The following OCM2 variants were observed in gnomAD, a reference collection of about 807,000 sequenced individuals.
The protein encoded by OCM2 is oncomodulin 2.
A neutral mutation model predicts 13.6 loss-of-function variants in OCM2; 6 were observed. That is an observed-to-expected ratio of 0.44 (90% CI 0.24 to 0.87). The LOEUF is 0.87. Among genes scored for constraint, OCM2 ranks in the 40% least tolerant of loss-of-function variants. OCM2 has a pLI of 0.22. For synonymous variants in OCM2, 40 were observed against 50.7 expected (o/e 0.79, Z 0.90); for missense variants, 118 against 136.8 (o/e 0.86, Z 0.68).
chr7:97,987,221 T>C, intron 2 of OCM2, 65 bp from the exon 3 acceptor site: 5 of 1,591,806 alleles, frequency 3.1e-6, no homozygotes, highest in Non-Finnish European at 3.4e-6. Context: ...TTTAGACTTT[T>C]GTTTTTCCTT....
intron 3 of OCM2, among the ~76,000 whole-genome samples, chr7:97,986,706 G>A (rs1562865432): frequency 1.3e-5 from 2 of 152,136 alleles, no homozygotes; most frequent in Admixed American, 1.3e-4. Context: ...AACCCCACTG[G>A]TAGAAATACC....
chr7:97,989,468 T>C (rs1449929502), intron 1 of OCM2, among the ~76,000 whole-genome samples: 1 of 151,830 alleles, frequency 6.6e-6, no homozygotes, highest in Non-Finnish European at 1.5e-5. Flanking sequence ...GTAGCGATCA[T>C]AGCTCACCAC....
chr7:97,988,503 A>T lies in OCM2; in HGVS notation c.107T>A (p.Leu36His), dbSNP rs199803300. 157 of 1,614,158 alleles carry T rather than the reference A, an allele frequency of 9.7e-5. No individual in the cohort carries two copies. The East Asian group carries it at 3.5e-3, about 36-fold the overall frequency. ...CACCTGACTGGCTGACATCTTGGAG[A>T]GGCCTGACGTCTGGAAGAATTTTTG... The change falls in exon 2 of 4, where the codon CTC (leucine) becomes CAC (histidine). Residue 36 changes from leucine to histidine, a missense_variant. Transcript: ENST00000257627.
intron 3 of OCM2, 152 bp downstream of exon 3, chr7:97,986,895 A>G: frequency 1.6e-6 from 2 of 1,279,184 alleles, no homozygotes; most frequent in Non-Finnish European, 2.1e-6. Flanking sequence ...TTGCATCCTT[A>G]CTTTAGTCTC....
At chr7:97,986,064 C>G (rs1794668490) in intron 3 of OCM2, among the ~76,000 whole-genome samples, 1 of 152,264 alleles carries the variant, frequency 6.6e-6, no homozygotes, top group African/African-American at 2.4e-5. Flanking sequence ...AGGTGCCCAC[C>G]ACCATGCCCG....
chr7:97,989,386 C>CTTT (rs1554366991), intron 1 of OCM2, among the ~76,000 whole-genome samples: 25 of 145,182 alleles, frequency 1.7e-4, no homozygotes, highest in Non-Finnish European at 3.3e-4. Context: ...CTCTTATTTA[C>CTTT]TTATTTATTT....
exon 4 of OCM2, chr7:97,984,965 T>G: frequency 6.2e-7 from 1 of 1,614,094 alleles, no homozygotes; most frequent in Non-Finnish European, 8.5e-7. Flanking sequence ...CTTTTAAGAA[T>G]GCACCATTTC....
exon 2 of OCM2, chr7:97,988,485 C>T (rs775138711): frequency 2.5e-6 from 4 of 1,614,184 alleles, no homozygotes; most frequent in Middle Eastern, 3.3e-4. Context: ...CTTCACCTGA[C>T]TGGCTGACAT....
intron 3 of OCM2, among the ~76,000 whole-genome samples, chr7:97,986,044 T>A (rs1156815237): frequency 6.6e-6 from 1 of 152,072 alleles, no homozygotes; most frequent in Non-Finnish European, 1.5e-5. Flanking sequence ...TCCCGAGTAG[T>A]TGGGATTACA....
chr7:97,988,505 G>T, exon 2 of OCM2: 1 of 1,614,184 alleles, frequency 6.2e-7, no homozygotes, highest in South Asian at 1.1e-5. Context: ...TCTTGGAGAG[G>T]CCTGACGTCT....
Position 97,989,207 on chromosome 7 carries a change from A to G in OCM2, c.62-659T>C, listed in dbSNP as rs528303936. Among the ~76,000 whole-genome samples, 268 of 152,074 alleles carry G rather than the reference A, an allele frequency of 1.8e-3. 1 individual carries two copies. Among genetic ancestry groups the G allele is most frequent in the African/African-American group, 6.2e-3 (259 of 41,526 alleles). On this transcript the variant is annotated intron_variant, in intron 1 of 3. Coordinates refer to ENST00000257627, the Ensembl canonical transcript of OCM2. ...TGGCCTCCCAAAGTGCTGGGATTAC[A>G]GGTGTGAGCACCACACCTGGCCCTT...
intron 2 of OCM2, 152 bp downstream of exon 2, chr7:97,988,264 C>T (rs1487661479): frequency 1.1e-6 from 1 of 883,920 alleles, no homozygotes; most frequent in Non-Finnish European, 1.7e-6. Context: ...GATGTGCGGT[C>T]AACTGACTCA....
At chr7:97,988,833 C>A (rs1345228956) in intron 1 of OCM2, among the ~76,000 whole-genome samples, 7 of 152,000 alleles carry the variant, frequency 4.6e-5, no homozygotes, top group African/African-American at 1.7e-4. Flanking sequence ...ACTTTACAGG[C>A]TGTGTGGCCG....
chr7:97,987,520 ATT>A (rs1206293103), intron 2 of OCM2, among the ~76,000 whole-genome samples: 1 of 147,514 alleles, frequency 6.8e-6, no homozygotes, highest in African/African-American at 2.5e-5. Flanking sequence ...TAACATTTGT[ATT>A]TTTTTTTTGT....
At chr7:97,988,693 C>A (rs1794697141) in intron 1 of OCM2, 145 bp from the exon 2 acceptor site, 2 of 1,104,848 alleles carry the variant, frequency 1.8e-6, no homozygotes, top group Non-Finnish European at 2.7e-6. Flanking sequence ...GATTTTGGGA[C>A]AGCCAAGACT....
chr7:97,987,526 T>G (rs1794684751), intron 2 of OCM2, among the ~76,000 whole-genome samples: 1 of 151,944 alleles, frequency 6.6e-6, no homozygotes, highest in Non-Finnish European at 1.5e-5. Context: ...TTGTATTTTT[T>G]TTTTGTAGAG....
At chr7:97,988,752 TC>T (rs67238827) in intron 1 of OCM2, among the ~76,000 whole-genome samples, 15,575 of 151,768 alleles carry the variant, frequency 0.1, 918 homozygotes, top group African/African-American at 0.16. Flanking sequence ...CGGTCTTCCC[TC>T]CTCCACTTGG....
At chr7:97,987,084 C>T (rs747986834) in exon 3 of OCM2, 22 of 1,613,558 alleles carry the variant, frequency 1.4e-5, no homozygotes, top group East Asian at 4.5e-5. Context: ...CATTATCCGC[C>T]GCAGCCATCA....
chr7:97,985,815 A>G (rs1794665903), intron 3 of OCM2, among the ~76,000 whole-genome samples: 1 of 152,224 alleles, frequency 6.6e-6, no homozygotes, highest in African/African-American at 2.4e-5. Context: ...TAATAATAAC[A>G]AGGTATGGAT....
Sources: allele counts gnomAD v4.1 joint callset (sites outside exome capture counted in the v4.1 genomes callset), GRCh38; gene constraint gnomAD v4.1.1; transcripts MANE v1.5; gene names NCBI Gene and HGNC (gene_info 2026-07-23, HGNC 2026-07-21).